TOP3A: variants seen among roughly 807,000 people sequenced by gnomAD.
TOP3A encodes DNA topoisomerase III alpha, also known as DNA topoisomerase 3-alpha.
Under a neutral mutation model 111.3 loss-of-function variants are expected in TOP3A, and 64 were observed. The ratio of observed to expected loss-of-function variants is 0.57; its 90% confidence interval spans 0.47 to 0.71. The LOEUF is 0.71. Ranked by LOEUF, TOP3A falls within the 30% of genes least tolerant of loss-of-function variation. The probability of loss-of-function intolerance (pLI) is 0.00; values close to 1 mark genes in which losing one functional copy is unlikely to be tolerated. For synonymous variants in TOP3A, 484 were observed against 485.1 expected, an observed-to-expected ratio of 1.00 and a Z score of 0.03; for missense variants, 1,104 against 1,285.0, an observed-to-expected ratio of 0.86 and a Z score of 2.15.
At chr17:18,285,876 T>C (rs1383410684) in intron 13 of TOP3A, among the ~76,000 whole-genome samples, 1 of 152,216 alleles carries the variant, frequency 6.6e-6, no homozygotes, top group South Asian at 2.1e-4. Flanking sequence ...TTTCAAAATG[T>C]AGCTCTGCCA....
intron 8 of TOP3A, among the ~76,000 whole-genome samples, chr17:18,300,728 C>CT (rs1434736819): frequency 6.6e-6 from 1 of 151,820 alleles, no homozygotes; most frequent in African/African-American, 2.4e-5. Context: ...GCTAATTTTT[C>CT]TTTTTTAGAA....
At chr17:18,310,674 A>G (rs1179903111) in intron 1 of TOP3A, among the ~76,000 whole-genome samples, 3 of 152,140 alleles carry the variant, frequency 2.0e-5, no homozygotes, top group African/African-American at 7.2e-5. Flanking sequence ...TGGGGTGAAA[A>G]AAAACCTTCT....
chr17:18,285,859 A>G (rs1487006912), intron 13 of TOP3A, among the ~76,000 whole-genome samples: 1 of 152,220 alleles, frequency 6.6e-6, no homozygotes, highest in Non-Finnish European at 1.5e-5. Flanking sequence ...CTGTGGCCAA[A>G]GGGACCTTTC....
chr17:18,308,846 A>G (rs1981744150), intron 2 of TOP3A, 36 bp downstream of exon 2: 2 of 1,379,728 alleles, frequency 1.4e-6, no homozygotes, highest in East Asian at 2.4e-5. Flanking sequence ...TCTCTTGCTT[A>G]TGATTGAAAT....
chr17:18,274,698 C>CG lies in TOP3A; in HGVS notation c.*103_*104insC, dbSNP rs3215557. On this transcript the variant is annotated 3_prime_UTR_variant, in exon 19 of 19. Transcript: ENST00000321105. ...CGACTCCAAAGGCCAACACTGTCCTCTAAGTTTCCAGGACACTAAATGGCC... is the reference window on the plus strand; with the variant it reads ...CGACTCCAAAGGCCAACACTGTCCTCGTAAGTTTCCAGGACACTAAATGGCC... The CG allele has an allele frequency of 0.3, 450,555 of 1,515,666 alleles. 69,296 individuals carry two copies. Among genetic ancestry groups the CG allele is most frequent in the African/African-American group, 0.34 (24,140 of 71,878 alleles). 93.9% of individuals were successfully genotyped at this position (1,515,666 alleles called of 1,614,324 possible).
In TOP3A at chr17:18,290,943, C is replaced by T; in HGVS notation, c.1366G>A (p.Val456Met). 1 of 1,614,232 alleles carries T rather than the reference C, an allele frequency of 6.2e-7. No homozygotes were observed. The highest frequency in any genetic ancestry group is 8.5e-7 in the Non-Finnish European group (1 of 1,180,048). Reference protein sequence around the residue: ...SQDAQGQETTVEIDIAQERFV... With the variant: ...SQDAQGQETTMEIDIAQERFV... ...CGTTCCTGAGCGATGTCGATCTCCA[C>T]TGTGGTCTCCTGCCCCTGAGCATCC... Residue 456 changes from valine (V) to methionine (M), a missense_variant, in exon 12 of 19, where the codon GTG (valine) becomes ATG (methionine). Transcript: ENST00000321105.
At chr17:18,275,344 C>CTTTTTT (rs71155327) in intron 18 of TOP3A, among the ~76,000 whole-genome samples, 14 of 77,150 alleles carry the variant, frequency 1.8e-4, no homozygotes, top group Non-Finnish European at 2.4e-4. Context: ...GCTGAACCAA[C>CTTTTTT]TTTTTTTTTT....
chr17:18,289,589 T>C (rs1980340940), intron 13 of TOP3A, among the ~76,000 whole-genome samples: 2 of 152,192 alleles, frequency 1.3e-5, no homozygotes, highest in Non-Finnish European at 2.9e-5. Context: ...GATGGGGTTT[T>C]ACCGTGTTGC....
chr17:18,305,067 T>C, intron 5 of TOP3A, 45 bp downstream of exon 5: 1 of 1,497,152 alleles, frequency 6.7e-7, no homozygotes, highest in South Asian at 1.1e-5. Flanking sequence ...ACTCTATTTA[T>C]GGAGTTCCAA....
intron 13 of TOP3A, among the ~76,000 whole-genome samples, chr17:18,287,288 C>T (rs1034114572): frequency 6.6e-6 from 1 of 152,050 alleles, no homozygotes; most frequent in Admixed American, 6.5e-5. Context: ...AATCCCAGCA[C>T]TTTGGGAGAC....
In TOP3A at chr17:18,273,855, C is replaced by T. The variant is rs1440451504; in HGVS notation, c.*947G>A. 1.3e-5 allele frequency: 2 copies of T among 152,266 alleles called. No individual in the cohort carries two copies. Among genetic ancestry groups the T allele is most frequent in the Admixed American group, 6.5e-5 (1 of 15,286 alleles). 9.4% of individuals were successfully genotyped at this position (152,266 alleles called of 1,614,324 possible). On this transcript the variant is annotated 3_prime_UTR_variant, in exon 19 of 19. Transcript: ENST00000321105. Reference sequence around the variant, plus strand: ...CCCAGGCTGGTCTTGAACTCCTGATCTCAAGCAATCCTCCAGCCTTGGCCT... The same window carrying T: ...CCCAGGCTGGTCTTGAACTCCTGATTTCAAGCAATCCTCCAGCCTTGGCCT...
intron 13 of TOP3A, among the ~76,000 whole-genome samples, chr17:18,289,557 CG>C (rs1384994639): frequency 2.6e-5 from 4 of 151,972 alleles, no homozygotes; most frequent in African/African-American, 9.7e-5. Context: ...GGATTACAGG[CG>C]TGAGCCACTG....
At position 18,299,554 on chromosome 17, in the gene TOP3A, C is replaced by A. The variant is rs1162606840; in HGVS notation, c.990+5G>T. 1 of 1,613,938 alleles carries A rather than the reference C, an allele frequency of 6.2e-7. No homozygotes were observed. The highest frequency in any genetic ancestry group is 8.5e-7 in the Non-Finnish European group (1 of 1,179,822). Reference sequence around the variant, plus strand: ...AGTGCCTGAAACAGCCTGTCTGGAACATACCACAGTGTCCAAGGCTTGAGG... The same window carrying A: ...AGTGCCTGAAACAGCCTGTCTGGAAAATACCACAGTGTCCAAGGCTTGAGG... On this transcript the variant is annotated splice_donor_5th_base_variant and intron_variant, in intron 9 of 18. Coordinates refer to ENST00000321105, the MANE Select transcript of TOP3A (RefSeq NM_004618.5).
intron 4 of TOP3A, chr17:18,306,534 AT>A (rs575474218): frequency 0.018 from 2,939 of 163,252 alleles, no homozygotes; most frequent in South Asian, 0.054. Flanking sequence ...GCCTGGTTAA[AT>A]TTTTTTTTTT....
chr17:18,305,289 T>C, intron 4 of TOP3A, 69 bp from the exon 5 acceptor site: 1 of 1,289,296 alleles, frequency 7.8e-7, no homozygotes, highest in Non-Finnish European at 1.1e-6. Flanking sequence ...ATCTCTAAGC[T>C]AAGGGGATCT....
Position 18,310,935 on chromosome 17 carries a change from C to T in TOP3A, c.181-1994G>A, listed in dbSNP as rs1981871635. ...AGCAGTTTCAAGCCACTAGGTTGTTCTTTACAGTTTCTACTGCCTGGTAAA... is the reference window on the plus strand; with the variant it reads ...AGCAGTTTCAAGCCACTAGGTTGTTTTTTACAGTTTCTACTGCCTGGTAAA... On this transcript the variant is annotated intron_variant, in intron 1 of 18. Transcript: ENST00000321105. Among the ~76,000 whole-genome samples the T allele has an allele frequency of 2.0e-5, 3 of 152,048 alleles. No homozygotes were observed. In the South Asian group the frequency reaches 6.2e-4, roughly 32 times the overall value.
chr17:18,309,089 T>C (rs1981757401), intron 1 of TOP3A, 148 bp from the exon 2 acceptor site: 1 of 476,896 alleles, frequency 2.1e-6, no homozygotes, highest in Non-Finnish European at 3.7e-6. Flanking sequence ...AGATAAGAAA[T>C]GGCCAACAAG....
chr17:18,277,777 GCA>G lies in TOP3A; in HGVS notation c.2723_2724del (p.Val908AlafsTer30), dbSNP rs760260010. On this transcript the variant is annotated frameshift_variant, in exon 18 of 19. Transcript: ENST00000321105. LOFTEE classifies it high-confidence loss of function. ...CGCCCCTTGTTGGGTCCATCCTTCT[GCA>G]CAGTCCGTGTGACGGAGGGCTGGCT... ...LCSQPSVTRT[V>X]QKDGPNKGRQ... The G allele has an allele frequency of 1.2e-6, 2 of 1,614,202 alleles. No individual in the cohort carries two copies. Among genetic ancestry groups the G allele is most frequent in the South Asian group, 1.1e-5 (1 of 91,088 alleles).
chr17:18,298,613 G>T (rs534247379), intron 9 of TOP3A, among the ~76,000 whole-genome samples: 1 of 151,784 alleles, frequency 6.6e-6, no homozygotes, highest in Non-Finnish European at 1.5e-5. Flanking sequence ...GAATAGAAAG[G>T]GGGGAAGGGT....
Sources: gnomAD v4.1 joint callset for allele counts (sites outside exome capture counted in the v4.1 genomes callset) on GRCh38, gnomAD v4.1.1 for gene constraint, MANE v1.5 for transcripts, NCBI Gene and HGNC (gene_info 2026-07-23, HGNC 2026-07-21) for gene names.